The following MAST4 variants were observed in gnomAD, a reference collection of about 807,000 sequenced individuals.
The protein encoded by MAST4 is microtubule associated serine/threonine kinase family member 4, also known as microtubule-associated serine/threonine-protein kinase 4.
A neutral mutation model predicts 162.7 loss-of-function variants in MAST4; 89 were observed. That is an observed-to-expected ratio of 0.55 (90% CI 0.46 to 0.65). MAST4 has a LOEUF of 0.65. Among genes scored for constraint, MAST4 ranks in the 30% least tolerant of loss-of-function variants. The pLI is 0.00. For synonymous variants in MAST4, 1,479 were observed against 1,361.1 expected (o/e 1.09, Z -1.91); for missense variants, 3,153 against 3,374.0 (o/e 0.93, Z 1.62).
chr5:67,004,354 A>C (rs1751690023), intron 4 of MAST4, among the ~76,000 whole-genome samples: 1 of 152,206 alleles, frequency 6.6e-6, no homozygotes, highest in Non-Finnish European at 1.5e-5. Flanking sequence ...GGACCCTGGA[A>C]GGGTCCACAA....
intron 19 of MAST4, among the ~76,000 whole-genome samples, chr5:67,141,239 T>C: frequency 6.6e-6 from 1 of 152,226 alleles, no homozygotes. Context: ...GGGAGGCTGA[T>C]TAGTCCCTGT....
chr5:66,661,514 G>A (rs1487839678), intron 1 of MAST4, among the ~76,000 whole-genome samples: 3 of 152,096 alleles, frequency 2.0e-5, no homozygotes, highest in Non-Finnish European at 4.4e-5. Flanking sequence ...TTTTTGCCAG[G>A]CAAGTTGCTC....
chr5:66,668,183 A>T (rs925644541), intron 1 of MAST4, among the ~76,000 whole-genome samples: 5 of 152,198 alleles, frequency 3.3e-5, no homozygotes, highest in African/African-American at 7.2e-5. Context: ...TCTTTGGCTT[A>T]ATATTCTGTA....
chr5:67,150,695 A>G (rs889624939), intron 24 of MAST4, among the ~76,000 whole-genome samples: 1 of 152,174 alleles, frequency 6.6e-6, no homozygotes, highest in Non-Finnish European at 1.5e-5. Context: ...ATCAGAAGGT[A>G]AAGAAGTGGG....
At chr5:67,078,907 T>TATAAATAA (rs796522536) in intron 5 of MAST4, among the ~76,000 whole-genome samples, 232 of 21,502 alleles carry the variant, frequency 0.011, 8 homozygotes, top group Admixed American at 0.024. Flanking sequence ...TATATTTTTA[T>TATAAATAA]ATAAATATAT....
At chr5:66,808,657 T>G (rs1327277291) in intron 3 of MAST4, among the ~76,000 whole-genome samples, 1 of 152,114 alleles carries the variant, frequency 6.6e-6, no homozygotes. Context: ...CACAAGAGAG[T>G]GCTTCAGAAA....
At chr5:66,884,481 C>T (rs1274451793) in intron 3 of MAST4, among the ~76,000 whole-genome samples, 1 of 152,170 alleles carries the variant, frequency 6.6e-6, no homozygotes, top group Admixed American at 6.5e-5. Context: ...TCATTCTGTA[C>T]ACCTGGAAAA....
intron 4 of MAST4, among the ~76,000 whole-genome samples, chr5:66,984,666 G>A (rs537641347): frequency 2.0e-5 from 3 of 152,002 alleles, no homozygotes; most frequent in African/African-American, 7.2e-5. Flanking sequence ...GGACTACAGG[G>A]GTAAATAGTG....
At chr5:66,735,198 A>G (rs1374091235) in intron 1 of MAST4, among the ~76,000 whole-genome samples, 2 of 152,212 alleles carry the variant, frequency 1.3e-5, no homozygotes, top group East Asian at 3.8e-4. Context: ...ATTGAAACTA[A>G]TAAGAAGTGC....
At position 66,596,727 on chromosome 5, in the gene MAST4, A is replaced by G. The variant is rs1742200478; in HGVS notation, c.72A>G (p.Pro24=). 1 of 1,431,736 alleles carries G rather than the reference A, an allele frequency of 7.0e-7. No individual in the cohort carries two copies. The highest frequency in any genetic ancestry group is 9.1e-7 in the Non-Finnish European group (1 of 1,092,988). The allele number at this position is 1,431,736 out of a possible 1,614,324, so 88.7% of individuals were successfully genotyped here. A position where few individuals can be genotyped will look rare whatever the true frequency, so the allele number is the denominator to read the frequency against. The change falls in exon 1 of 29, where the codon CCA becomes CCG. Residue 24 remains proline, a synonymous_variant. Coordinates refer to ENST00000403625, the MANE Select transcript of MAST4 (RefSeq NM_001164664.2). ...GCAGTGGCCACGGCAGCCGGACTCC[A>G]GCCTCTGCGCTGGTCGCCGCGTCCT... The part of the protein sequence containing the change: ...RGCSGHGSRT[P]ASALVAASSP...
chr5:67,054,346 T>A, intron 4 of MAST4, 58 bp from the exon 5 acceptor site: 1 of 1,434,576 alleles, frequency 7.0e-7, no homozygotes, highest in Non-Finnish European at 9.5e-7. Flanking sequence ...GGGAACATGG[T>A]TGAACATTAT....
At chr5:67,042,427 A>G (rs1756863547) in intron 4 of MAST4, among the ~76,000 whole-genome samples, 2 of 152,208 alleles carry the variant, frequency 1.3e-5, no homozygotes, top group Admixed American at 1.3e-4. Context: ...ATCTTTGCAA[A>G]ATGAGAGAAT....
intron 3 of MAST4, among the ~76,000 whole-genome samples, chr5:66,843,061 G>A (rs139794979): frequency 1.3e-5 from 2 of 152,112 alleles, no homozygotes; most frequent in African/African-American, 4.8e-5. Flanking sequence ...ATACACCTTT[G>A]CCAATGCCTT....
intron 4 of MAST4, among the ~76,000 whole-genome samples, chr5:66,975,136 CAGA>C (rs967547512): frequency 6.6e-6 from 1 of 152,060 alleles, no homozygotes. Context: ...ACAGAGAAGC[CAGA>C]AGATGCAAGG....
intron 1 of MAST4, among the ~76,000 whole-genome samples, chr5:66,744,593 C>T (rs1020106856): frequency 3.3e-5 from 5 of 152,172 alleles, no homozygotes; most frequent in African/African-American, 1.2e-4. Flanking sequence ...CCTCAGGAAA[C>T]TTATGACCAT....
chr5:66,697,409 T>C (rs1749477805), intron 1 of MAST4, among the ~76,000 whole-genome samples: 1 of 152,252 alleles, frequency 6.6e-6, no homozygotes, highest in South Asian at 2.1e-4. Context: ...AGTTCATTGA[T>C]ATGGTTTGAA....
intron 2 of MAST4, among the ~76,000 whole-genome samples, chr5:66,779,729 G>C (rs948867014): frequency 6.6e-6 from 1 of 152,188 alleles, no homozygotes; most frequent in Non-Finnish European, 1.5e-5. Flanking sequence ...TTAGGAGTGA[G>C]CAATGGGGCA....
At chr5:66,704,016 G>T (rs546233551) in intron 1 of MAST4, among the ~76,000 whole-genome samples, 1 of 152,290 alleles carries the variant, frequency 6.6e-6, no homozygotes, top group South Asian at 2.1e-4. Context: ...GATTGCCAGG[G>T]TAGAGGAAGG....
At chr5:66,720,760 C>T (rs1404669293) in intron 1 of MAST4, among the ~76,000 whole-genome samples, 1 of 152,000 alleles carries the variant, frequency 6.6e-6, no homozygotes, top group Non-Finnish European at 1.5e-5. Context: ...GTTTTTTCAG[C>T]TTGTTGAGTG....
Sources: gnomAD v4.1 joint callset for allele counts (sites outside exome capture counted in the v4.1 genomes callset) on GRCh38, gnomAD v4.1.1 for gene constraint, MANE v1.5 for transcripts, NCBI Gene and HGNC (gene_info 2026-07-23, HGNC 2026-07-21) for gene names.